The following RAB10 variants were observed in gnomAD, a reference collection of about 807,000 sequenced individuals.
RAB10 encodes the protein RAB10, member RAS oncogene family.
A neutral mutation model predicts 25.7 loss-of-function variants in RAB10; 5 were observed. The observed-to-expected ratio is 0.19, with a 90% confidence interval of 0.10 to 0.41. RAB10 has a LOEUF of 0.41. Among genes scored for constraint, RAB10 ranks in the 10% least tolerant of loss-of-function variants. The pLI, the probability that RAB10 is intolerant of heterozygous loss-of-function variation, is 1.00. For synonymous variants in RAB10, 89 were observed against 86.4 expected, an observed-to-expected ratio of 1.03 and a Z score of -0.16; for missense variants, 103 against 245.8, an observed-to-expected ratio of 0.42 and a Z score of 3.89.
intron 5 of RAB10, among the ~76,000 whole-genome samples, chr2:26,128,265 T>G (rs1002770469): frequency 4.6e-5 from 7 of 152,212 alleles, no homozygotes; most frequent in African/African-American, 1.7e-4. Flanking sequence ...CCTATGAGAA[T>G]CTAATGCTAT....
At chr2:26,059,235 A>T (rs1294862500) in intron 1 of RAB10, among the ~76,000 whole-genome samples, 6 of 152,202 alleles carry the variant, frequency 3.9e-5, no homozygotes, top group Non-Finnish European at 8.8e-5. Flanking sequence ...GCCCCAACAA[A>T]CTTAAAGTTG....
intron 3 of RAB10, among the ~76,000 whole-genome samples, chr2:26,114,959 G>A (rs1175541644): frequency 3.3e-5 from 5 of 152,036 alleles, no homozygotes; most frequent in African/African-American, 1.2e-4. Flanking sequence ...CTAAAGCCAT[G>A]AAGTGGCAAA....
intron 2 of RAB10, among the ~76,000 whole-genome samples, chr2:26,103,680 G>A (rs951270868): frequency 4.6e-5 from 7 of 151,996 alleles, no homozygotes; most frequent in Non-Finnish European, 8.8e-5. Context: ...TACAACCATC[G>A]TTACCATTTC....
At position 26,055,902 on chromosome 2, in the gene RAB10, TC is replaced by T. The variant is rs1441870581; in HGVS notation, c.127+21168del. Reference sequence around the variant, plus strand: ...TCCAGAAAGATGTAGAACTTTTTTTTCTTTTTTTTTTGAGACAGGGTCTCAC... The same window carrying T: ...TCCAGAAAGATGTAGAACTTTTTTTTTTTTTTTTTTGAGACAGGGTCTCAC... On this transcript the variant is annotated intron_variant, in intron 1 of 5. Coordinates refer to ENST00000264710, the MANE Select transcript of RAB10 (RefSeq NM_016131.5). Among the ~76,000 whole-genome samples, 5 of 143,428 alleles carry T rather than the reference TC, an allele frequency of 3.5e-5. No individual in the cohort carries two copies. In the East Asian group the frequency reaches 3.4e-3, roughly 97 times the overall value. 94.1% of individuals were successfully genotyped at this position (143,428 alleles called of 152,430 possible). A position where few individuals can be genotyped will look rare whatever the true frequency, so the allele number is the denominator to read the frequency against.
At chr2:26,050,645 T>G (rs935942232) in intron 1 of RAB10, among the ~76,000 whole-genome samples, 1 of 152,108 alleles carries the variant, frequency 6.6e-6, no homozygotes, top group African/African-American at 2.4e-5. Flanking sequence ...TATTCCTTAA[T>G]TTTTTCTTTG....
intron 1 of RAB10, among the ~76,000 whole-genome samples, chr2:26,053,883 C>A (rs541605508): frequency 6.6e-6 from 1 of 151,922 alleles, no homozygotes; most frequent in South Asian, 2.1e-4. Context: ...CCACGCCCAG[C>A]TAATTTTTGT....
chr2:26,078,671 A>G (rs1261752620), intron 1 of RAB10, among the ~76,000 whole-genome samples: 1 of 152,202 alleles, frequency 6.6e-6, no homozygotes, highest in East Asian at 1.9e-4. Context: ...TCCACATATG[A>G]TGAAGGCTAT....
At chr2:26,132,037 G>A (rs1018430134) in intron 5 of RAB10, among the ~76,000 whole-genome samples, 1 of 152,140 alleles carries the variant, frequency 6.6e-6, no homozygotes, top group Non-Finnish European at 1.5e-5. Flanking sequence ...GCCAAAGAGC[G>A]TACATGTATG....
At chr2:26,052,470 AT>A (rs10712935) in intron 1 of RAB10, among the ~76,000 whole-genome samples, 81,870 of 114,524 alleles carry the variant, frequency 0.71, 28,916 homozygotes, top group Non-Finnish European at 0.73. Flanking sequence ...CCGTGAGCCA[AT>A]TTTTTTTTTT....
intron 2 of RAB10, among the ~76,000 whole-genome samples, chr2:26,106,530 A>G (rs1440119273): frequency 6.6e-6 from 1 of 152,236 alleles, no homozygotes; most frequent in Non-Finnish European, 1.5e-5. Context: ...GTGCTTGAGC[A>G]ATAGGACATT....
intron 3 of RAB10, among the ~76,000 whole-genome samples, chr2:26,125,434 C>CT (rs780945835): frequency 0.071 from 8,438 of 118,760 alleles, 757 homozygotes; most frequent in African/African-American, 0.22. Context: ...CCTTTGCTTG[C>CT]TTTTTTTTTT....
chr2:26,061,190 C>G (rs1416880432), intron 1 of RAB10, among the ~76,000 whole-genome samples: 1 of 143,410 alleles, frequency 7.0e-6, no homozygotes, highest in African/African-American at 2.6e-5. Context: ...TCTCAGCTCA[C>G]TGCAACCTCT....
chr2:26,042,007 A>G (rs983433501), intron 1 of RAB10, among the ~76,000 whole-genome samples: 1 of 152,210 alleles, frequency 6.6e-6, no homozygotes. Flanking sequence ...TGATTTGACC[A>G]TAACCATCTT....
intron 1 of RAB10, among the ~76,000 whole-genome samples, chr2:26,061,801 C>G (rs1434079): frequency 0.77 from 113,021 of 146,264 alleles, 43,620 homozygotes; most frequent in East Asian, 0.87. Context: ...CTGTCACTCA[C>G]GCTGGAGTAC....
At chr2:26,064,835 C>T (rs1399868324) in intron 1 of RAB10, among the ~76,000 whole-genome samples, 2 of 152,090 alleles carry the variant, frequency 1.3e-5, no homozygotes, top group Admixed American at 1.3e-4. Flanking sequence ...TCTCTTGAAG[C>T]CAGGAGTCGG....
At chr2:26,107,598 C>T (rs972541932) in intron 2 of RAB10, among the ~76,000 whole-genome samples, 6 of 151,930 alleles carry the variant, frequency 3.9e-5, no homozygotes, top group South Asian at 2.1e-4. Context: ...GAGTTTGAGA[C>T]GAGCCTGGCC....
intron 1 of RAB10, among the ~76,000 whole-genome samples, chr2:26,050,628 T>C (rs1666110784): frequency 6.6e-6 from 1 of 152,026 alleles, no homozygotes; most frequent in African/African-American, 2.4e-5. Context: ...GGTAGTTTTT[T>C]CTTGTCTATT....
intron 3 of RAB10, among the ~76,000 whole-genome samples, chr2:26,125,084 C>T (rs1258568368): frequency 1.3e-5 from 2 of 152,144 alleles, no homozygotes; most frequent in Non-Finnish European, 2.9e-5. Flanking sequence ...GTACAAATAT[C>T]TGAGTCCCTG....
chr2:26,076,280 A>G lies in RAB10; in HGVS notation c.128-22382A>G, dbSNP rs1666731597. On this transcript the variant is annotated intron_variant, in intron 1 of 5. Coordinates refer to ENST00000264710, the MANE Select transcript of RAB10 (RefSeq NM_016131.5). ...AAGCTAGAATGTGGCAGAGCCAGAGACCATGTTTTTCTGAATTCTCTTAAT... is the reference window on the plus strand; with the variant it reads ...AAGCTAGAATGTGGCAGAGCCAGAGGCCATGTTTTTCTGAATTCTCTTAAT... Among the ~76,000 whole-genome samples, 7 of 152,184 alleles carry G rather than the reference A, an allele frequency of 4.6e-5. No individual in the cohort carries two copies. In the South Asian group the frequency reaches 1.2e-3, roughly 27 times the overall value.
Sources: allele counts gnomAD v4.1 joint callset (sites outside exome capture counted in the v4.1 genomes callset), GRCh38; gene constraint gnomAD v4.1.1; transcripts MANE v1.5; gene names NCBI Gene and HGNC (gene_info 2026-07-23, HGNC 2026-07-21).